DAB1: variants seen among roughly 807,000 people sequenced by gnomAD.
The protein encoded by DAB1 is disabled homolog 1.
Under a neutral mutation model 64.6 loss-of-function variants are expected in DAB1, and 15 were observed. The observed-to-expected ratio is 0.23, with a 90% confidence interval of 0.16 to 0.36. The LOEUF is 0.36. Ranked by LOEUF, DAB1 falls within the 10% of genes least tolerant of loss-of-function variation. DAB1 has a pLI of 1.00. For synonymous variants in DAB1, 235 were observed against 251.9 expected (o/e 0.93, Z 0.64); for missense variants, 596 against 706.7 (o/e 0.84, Z 1.78).
At chr1:58,037,960 T>C (rs955651135) in intron 5 of DAB1, among the ~76,000 whole-genome samples, 7 of 152,294 alleles carry the variant, frequency 4.6e-5, no homozygotes, top group African/African-American at 1.4e-4. Context: ...GCCCTGTTGA[T>C]CTACTCACTA....
At chr1:58,465,936 C>T (rs1392151631) in intron 3 of DAB1, among the ~76,000 whole-genome samples, 4 of 152,166 alleles carry the variant, frequency 2.6e-5, no homozygotes, top group Non-Finnish European at 2.9e-5. Context: ...GGACTGCTTC[C>T]CTTGGCAGAT....
At chr1:57,716,922 C>T (rs1470044508) in intron 6 of DAB1, among the ~76,000 whole-genome samples, 1 of 151,968 alleles carries the variant, frequency 6.6e-6, no homozygotes, top group Non-Finnish European at 1.5e-5. Context: ...GGGGAAAAGA[C>T]TTAAATAGAC....
At chr1:57,889,806 C>T (rs189272588) in intron 5 of DAB1, among the ~76,000 whole-genome samples, 2 of 149,142 alleles carry the variant, frequency 1.3e-5, no homozygotes, top group Non-Finnish European at 3.0e-5. Context: ...GGCTCCACCC[C>T]AACCTAGTGA....
intron 4 of DAB1, among the ~76,000 whole-genome samples, chr1:58,316,542 C>T (rs1342192370): frequency 6.6e-6 from 1 of 151,930 alleles, no homozygotes; most frequent in African/African-American, 2.4e-5. Flanking sequence ...GGCAAGACCA[C>T]CAGGAACCAA....
chr1:57,881,520 C>G (rs927788395), intron 1 of DAB1, among the ~76,000 whole-genome samples: 2 of 152,134 alleles, frequency 1.3e-5, no homozygotes, highest in Non-Finnish European at 2.9e-5. Context: ...CTTTTTGAAT[C>G]TTTGCTTCCT....
At position 58,058,726 on chromosome 1, in the gene DAB1, C is replaced by T. The variant is rs116508030; in HGVS notation, n.387+91785G>A. Among the ~76,000 whole-genome samples, 1,034 of 152,310 alleles carry T rather than the reference C, an allele frequency of 6.8e-3. 8 individuals carry two copies. Among genetic ancestry groups the T allele is most frequent in the African/African-American group, 0.024 (994 of 41,552 alleles). The stretch of plus-strand genomic sequence containing the variant: ...GAAAGATGTGCATCCTCTCTCCTAA[C>T]TTGGGCTTTCTGGCAGACAGATGAG... On this transcript the variant is annotated intron_variant and non_coding_transcript_variant, in intron 5 of 20. Coordinates refer to the DAB1 transcript ENST00000485760.
At chr1:58,420,586 T>C (rs1462506878) in intron 3 of DAB1, among the ~76,000 whole-genome samples, 1 of 152,208 alleles carries the variant, frequency 6.6e-6, no homozygotes, top group Non-Finnish European at 1.5e-5. Flanking sequence ...TGTCTCTACA[T>C]TTTTTAGCGC....
At chr1:58,177,211 G>A (rs1233892074) in intron 4 of DAB1, among the ~76,000 whole-genome samples, 1 of 152,112 alleles carries the variant, frequency 6.6e-6, no homozygotes, top group East Asian at 1.9e-4. Flanking sequence ...TGGGAACCGA[G>A]GTCAGCACTC....
At chr1:57,067,282 A>C (rs1228362928) in intron 8 of DAB1, among the ~76,000 whole-genome samples, 1 of 152,194 alleles carries the variant, frequency 6.6e-6, no homozygotes, top group Non-Finnish European at 1.5e-5. Flanking sequence ...AAAGGGACTT[A>C]GAATCGAATT....
At chr1:58,070,448 T>A (rs1462081743) in intron 5 of DAB1, among the ~76,000 whole-genome samples, 4 of 152,062 alleles carry the variant, frequency 2.6e-5, no homozygotes, top group Admixed American at 6.5e-5. Flanking sequence ...AAGCTAAGGA[T>A]AGTAGTGGTG....
chr1:57,673,293 T>G (rs1646529191), intron 6 of DAB1, among the ~76,000 whole-genome samples: 1 of 152,146 alleles, frequency 6.6e-6, no homozygotes. Flanking sequence ...ACCATCACAT[T>G]GGGGATTAGG....
chr1:58,407,950 G>C (rs1230373492), intron 3 of DAB1, among the ~76,000 whole-genome samples: 1 of 152,018 alleles, frequency 6.6e-6, no homozygotes, highest in African/African-American at 2.4e-5. Flanking sequence ...TGGCTTCTTG[G>C]TCTCGGTTCC....
At chr1:57,421,643 T>TGTGTATGGAA (rs898276895) in intron 1 of DAB1, among the ~76,000 whole-genome samples, 1 of 152,036 alleles carries the variant, frequency 6.6e-6, no homozygotes, top group African/African-American at 2.4e-5. Flanking sequence ...CCTAAACCTT[T>TGTGTATGGAA]AAGAGAGCCT....
chr1:58,261,929 A>T (rs2100418107), intron 4 of DAB1, among the ~76,000 whole-genome samples: 1 of 152,272 alleles, frequency 6.6e-6, no homozygotes, highest in East Asian at 1.9e-4. Flanking sequence ...CTGTTCATGG[A>T]TTTTTAATTT....
At chr1:58,170,162 T>A (rs937389731) in intron 4 of DAB1, among the ~76,000 whole-genome samples, 4 of 152,110 alleles carry the variant, frequency 2.6e-5, no homozygotes, top group African/African-American at 7.2e-5. Context: ...CAGCAAGCCA[T>A]CCCCAGTATG....
At chr1:57,668,603 C>T (rs1018233926) in intron 6 of DAB1, among the ~76,000 whole-genome samples, 6 of 152,062 alleles carry the variant, frequency 3.9e-5, no homozygotes, top group Non-Finnish European at 8.8e-5. Context: ...AACCAAAGGA[C>T]AGCACCACAA....
At chr1:57,979,182 G>A (rs1302445967) in intron 5 of DAB1, among the ~76,000 whole-genome samples, 1 of 152,144 alleles carries the variant, frequency 6.6e-6, no homozygotes, top group Non-Finnish European at 1.5e-5. Context: ...ATCAATAATA[G>A]ACTGGATAAA....
At chr1:57,065,660 C>T (rs1049711996) in intron 8 of DAB1, among the ~76,000 whole-genome samples, 3 of 152,208 alleles carry the variant, frequency 2.0e-5, no homozygotes, top group African/African-American at 7.2e-5. Flanking sequence ...CTGTACCATT[C>T]TGTTTACACA....
chr1:58,492,046 G>C (rs1645703672), intron 3 of DAB1, among the ~76,000 whole-genome samples: 1 of 152,170 alleles, frequency 6.6e-6, no homozygotes, highest in South Asian at 2.1e-4. Context: ...TAAAAGAACA[G>C]AAAGTATAAC....
Sources: gnomAD v4.1 joint callset for allele counts (sites outside exome capture counted in the v4.1 genomes callset) on GRCh38, gnomAD v4.1.1 for gene constraint, MANE v1.5 for transcripts, NCBI Gene and HGNC (gene_info 2026-07-23, HGNC 2026-07-21) for gene names.